ANO4: variants seen among roughly 807,000 people sequenced by gnomAD.
ANO4 encodes anoctamin 4.
In ANO4, 69 loss-of-function variants were observed where a neutral mutation model predicts 141.9. The ratio of observed to expected loss-of-function variants is 0.49; its 90% CI spans 0.40 to 0.59. The LOEUF (loss-of-function observed/expected upper bound fraction) is 0.59. Ranked by LOEUF, ANO4 falls within the 20% of genes least tolerant of loss-of-function variation. The pLI is 0.00. For synonymous variants in ANO4, 350 were observed against 394.3 expected (o/e 0.89, Z 1.33); for missense variants, 894 against 1,162.2 (o/e 0.77, Z 3.36).
chr12:101,001,715 T>G (rs1430666109), intron 8 of ANO4, among the ~76,000 whole-genome samples: 1 of 152,094 alleles, frequency 6.6e-6, no homozygotes, highest in Non-Finnish European at 1.5e-5. Flanking sequence ...AGTTGCACAG[T>G]TGGTCAAAGT....
At chr12:100,992,124 T>C (rs1167769422) in intron 8 of ANO4, among the ~76,000 whole-genome samples, 1 of 152,218 alleles carries the variant, frequency 6.6e-6, no homozygotes, top group East Asian at 1.9e-4. Context: ...TCAGAAATAA[T>C]ATAACAGGTC....
chr12:101,047,961 G>A (rs1292710802), intron 13 of ANO4: 30 of 985,294 alleles, frequency 3.0e-5, no homozygotes, highest in Admixed American at 6.0e-5. Context: ...CAGTGCTTGG[G>A]AAGTTGAAAA....
intron 3 of ANO4, among the ~76,000 whole-genome samples, chr12:100,937,992 G>A (rs188093113): frequency 5.3e-5 from 8 of 152,180 alleles, no homozygotes; most frequent in Admixed American, 1.3e-4. Flanking sequence ...AAATCCTTTC[G>A]GTGATAAAAA....
At chr12:100,989,689 G>A (rs1003882011) in intron 8 of ANO4, among the ~76,000 whole-genome samples, 25 of 146,832 alleles carry the variant, frequency 1.7e-4, no homozygotes, top group African/African-American at 6.0e-4. Flanking sequence ...GTCACTGGAT[G>A]GATGAGTGGA....
intron 14 of ANO4, among the ~76,000 whole-genome samples, chr12:101,059,198 C>A (rs2048247726): frequency 6.6e-6 from 1 of 152,180 alleles, no homozygotes. Context: ...AGCCTTGCAT[C>A]CCAGGGATGA....
At chr12:100,806,313 T>A (rs1425196869) in intron 1 of ANO4, among the ~76,000 whole-genome samples, 1 of 152,106 alleles carries the variant, frequency 6.6e-6, no homozygotes, top group Admixed American at 6.6e-5. Context: ...AATGCCTGTT[T>A]CCTCACACCT....
At chr12:101,068,287 G>A (rs780998322) in intron 14 of ANO4, 1 of 1,426,846 alleles carries the variant, frequency 7.0e-7, no homozygotes, top group Non-Finnish European at 9.7e-7. Context: ...CTCTGCTGCA[G>A]ATTCCGCCTG....
At chr12:100,811,258 A>G (rs528973321) in intron 1 of ANO4, among the ~76,000 whole-genome samples, 1 of 152,310 alleles carries the variant, frequency 6.6e-6, no homozygotes, top group Non-Finnish European at 1.5e-5. Context: ...GCTTTTAGCT[A>G]AAATCAAGAG....
At chr12:100,977,091 G>A (rs552836671) in intron 7 of ANO4, among the ~76,000 whole-genome samples, 2 of 152,220 alleles carry the variant, frequency 1.3e-5, no homozygotes, top group South Asian at 4.1e-4. Flanking sequence ...TTTATGTGAG[G>A]TTTAGTGCCT....
intron 1 of ANO4, among the ~76,000 whole-genome samples, chr12:100,856,438 A>G (rs1321119799): frequency 6.6e-6 from 1 of 152,204 alleles, no homozygotes; most frequent in Non-Finnish European, 1.5e-5. Flanking sequence ...GTAACTCAGT[A>G]GTAAGTGCTT....
intron 26 of ANO4, among the ~76,000 whole-genome samples, chr12:101,125,831 C>G (rs1046079329): frequency 4.0e-5 from 6 of 151,736 alleles, no homozygotes; most frequent in African/African-American, 1.5e-4. Flanking sequence ...CAATGTTCAT[C>G]GGGGATATTG....
intron 3 of ANO4, among the ~76,000 whole-genome samples, chr12:100,757,035 T>A (rs543401286): frequency 1.6e-4 from 24 of 152,196 alleles, no homozygotes; most frequent in African/African-American, 5.3e-4. Flanking sequence ...AGTTTTTTTT[T>A]ATCTGTCCCT....
rs115285619 is a variant in ANO4 at position 100,722,509 on chromosome 12, G to A, written c.22+4962G>A. 2.9e-3 allele frequency among the ~76,000 whole-genome samples: 438 copies of A among 152,200 alleles called. 3 individuals carry two copies. The highest frequency in any genetic ancestry group is 9.7e-3 in the African/African-American group (402 of 41,542). Reference sequence around the variant, plus strand: ...CTGGACCTTGATGCATGCTCTGAACGACTCCCTCCTTCTTTACAAGGCCCC... The same window carrying A: ...CTGGACCTTGATGCATGCTCTGAACAACTCCCTCCTTCTTTACAAGGCCCC... On this transcript the variant is annotated intron_variant, in intron 1 of 29. Transcript: ENST00000644049.
intron 3 of ANO4, among the ~76,000 whole-genome samples, chr12:100,783,692 A>G (rs1252009539): frequency 6.6e-6 from 1 of 152,116 alleles, no homozygotes; most frequent in Non-Finnish European, 1.5e-5. Flanking sequence ...TGTGCCAAGG[A>G]TCTGCAAGTC....
chr12:100,824,602 T>C (rs2036229128), intron 1 of ANO4, among the ~76,000 whole-genome samples: 1 of 152,052 alleles, frequency 6.6e-6, no homozygotes, highest in Non-Finnish European at 1.5e-5. Flanking sequence ...GAAATGTGAC[T>C]CTGAATAATG....
chr12:100,810,211 G>A (rs1051728011), intron 1 of ANO4, among the ~76,000 whole-genome samples: 1 of 151,948 alleles, frequency 6.6e-6, no homozygotes, highest in African/African-American at 2.4e-5. Flanking sequence ...ACATGAGCTG[G>A]GGAGGGAGGG....
intron 1 of ANO4, among the ~76,000 whole-genome samples, chr12:100,812,615 T>C (rs2035512233): frequency 6.6e-6 from 1 of 152,210 alleles, no homozygotes. Flanking sequence ...GACTTACATG[T>C]AAGATACAGA....
At chr12:101,039,307 C>T (rs1050265535) in intron 10 of ANO4, among the ~76,000 whole-genome samples, 1 of 152,168 alleles carries the variant, frequency 6.6e-6, no homozygotes. Context: ...GAATTCGAGA[C>T]TAGCCTGGGC....
chr12:100,759,058 T>C (rs996634547), intron 3 of ANO4, among the ~76,000 whole-genome samples: 2 of 152,158 alleles, frequency 1.3e-5, no homozygotes, highest in African/African-American at 4.8e-5. Context: ...CAGATGGGCA[T>C]ATATTTTGGG....
Sources: gnomAD v4.1 joint callset for allele counts (sites outside exome capture counted in the v4.1 genomes callset) on GRCh38, gnomAD v4.1.1 for gene constraint, MANE v1.5 for transcripts, NCBI Gene and HGNC (gene_info 2026-07-23, HGNC 2026-07-21) for gene names.